Variants in SFXN4 observed in about 807,000 individuals in gnomAD.
SFXN4 encodes sideroflexin-4.
Under a neutral mutation model 54.6 loss-of-function variants are expected in SFXN4, and 48 were observed. That is an observed-to-expected ratio of 0.88 (90% CI 0.70 to 1.12). SFXN4 has a LOEUF of 1.12. SFXN4 is among the 50% of genes most tolerant of loss of function. SFXN4 has a pLI of 0.00. For missense variants in SFXN4, 383 were observed against 409.2 expected (o/e 0.94, Z 0.55); for synonymous variants, 130 against 145.5 (o/e 0.89, Z 0.77).
At position 119,158,020 on chromosome 10, in the gene SFXN4, T is replaced by C. The variant is rs1207185850; in HGVS notation, c.403A>G (p.Ile135Val). ...MTPLKGIKSVILPQVFLCAYM... is the reference protein window; with the variant it reads ...MTPLKGIKSVVLPQVFLCAYM... Reference sequence around the variant, plus strand: ...GGAAGAATGGCTACCTGAGGTAAAATCACGGACTTGATCCCTTTCAGTGGC... The same window carrying C: ...GGAAGAATGGCTACCTGAGGTAAAACCACGGACTTGATCCCTTTCAGTGGC... The change falls in exon 7 of 14, where the codon ATT (isoleucine) becomes GTT (valine). Residue 135 changes from isoleucine (I) to valine (V), a missense_variant. Transcript: ENST00000355697. 1 of 1,614,048 alleles carries C rather than the reference T, an allele frequency of 6.2e-7. No homozygotes were observed. Among genetic ancestry groups the C allele is most frequent in the African/African-American group, 1.3e-5 (1 of 74,940 alleles).
At chr10:119,163,593 C>G (rs7088103) in intron 2 of SFXN4, among the ~76,000 whole-genome samples, 56,282 of 151,184 alleles carry the variant, frequency 0.37, 10,761 homozygotes, top group South Asian at 0.41. Flanking sequence ...GTAGAGACGT[C>G]GGTTTCACCA....
At chr10:119,165,010 T>C (rs922010339) in intron 1 of SFXN4, among the ~76,000 whole-genome samples, 10 of 77,530 alleles carry the variant, frequency 1.3e-4, no homozygotes, top group Non-Finnish European at 2.3e-4. Context: ...TACTGTATTG[T>C]TAAAAATTTC....
chr10:119,147,121 A>C (rs1846849702), intron 12 of SFXN4, among the ~76,000 whole-genome samples: 1 of 152,156 alleles, frequency 6.6e-6, no homozygotes, highest in African/African-American at 2.4e-5. Flanking sequence ...CAATATGAAG[A>C]AGCCAATCTG....
At position 119,141,274 on chromosome 10, in the gene SFXN4, C is replaced by G; in HGVS notation, c.982G>C (p.Glu328Gln). ...CCTCTGTGATAAAAGATTTCTGTTT[C>G]TTCTGTTGGAGACTGAATTTTCTCT... Reference protein sequence around the residue: ...LEEKIQSPTEETEIFYHRGV With the variant: ...LEEKIQSPTEQTEIFYHRGV The change falls in exon 14 of 14, where the codon GAA becomes CAA. Residue 328 changes from glutamate to glutamine, a missense_variant. Coordinates refer to ENST00000355697, the MANE Select transcript of SFXN4 (RefSeq NM_213649.2). 6.2e-7 allele frequency: 1 copy of G among 1,612,244 alleles called. No individual in the cohort carries two copies. Among genetic ancestry groups the G allele is most frequent in the East Asian group, 2.2e-5 (1 of 44,870 alleles).
chr10:119,161,424 C>A (rs1382212332), intron 3 of SFXN4, among the ~76,000 whole-genome samples: 221 of 50,074 alleles, frequency 4.4e-3, no homozygotes, highest in African/African-American at 7.2e-3. Flanking sequence ...ACAACAACAA[C>A]AACAAAAAAA....
intron 12 of SFXN4, among the ~76,000 whole-genome samples, 183 bp from the exon 13 acceptor site, chr10:119,146,536 C>G (rs1246893836): frequency 6.6e-6 from 1 of 151,546 alleles, no homozygotes; most frequent in African/African-American, 2.4e-5. Flanking sequence ...ACAGCTAGAT[C>G]AAGGCCTGTT....
At chr10:119,157,432 A>G (rs112670725) in intron 9 of SFXN4, among the ~76,000 whole-genome samples, 1 of 14,928 alleles carries the variant, frequency 6.7e-5, no homozygotes, top group Non-Finnish European at 1.1e-4. Context: ...CTGTGTCTCA[A>G]AAAAAAAAAA....
At chr10:119,142,726 A>ATTTTTTTTTTT (rs573311460) in intron 13 of SFXN4, among the ~76,000 whole-genome samples, 1 of 77,468 alleles carries the variant, frequency 1.3e-5, no homozygotes, top group East Asian at 4.0e-4. Flanking sequence ...AATGTTTTGA[A>ATTTTTTTTTTT]TTTTTTTTTT....
chr10:119,151,315 G>A (rs1300545885), intron 11 of SFXN4, among the ~76,000 whole-genome samples: 1 of 149,924 alleles, frequency 6.7e-6, no homozygotes, highest in Admixed American at 6.7e-5. Context: ...GTTGCAGTGA[G>A]CCAAGATCGC....
chr10:119,160,303 C>T (rs1326511090), intron 5 of SFXN4, among the ~76,000 whole-genome samples: 2 of 151,958 alleles, frequency 1.3e-5, no homozygotes, highest in Non-Finnish European at 2.9e-5. Flanking sequence ...GTCAGGAGTT[C>T]GAGACCAGCC....
chr10:119,162,243 G>A lies in SFXN4; in HGVS notation c.252+97C>T, dbSNP rs544747390. On this transcript the variant is annotated intron_variant, in intron 3 of 13. Coordinates refer to ENST00000355697, the MANE Select transcript of SFXN4 (RefSeq NM_213649.2). ...GAAGGAAAAAAGAAAGAAAAGAGAC[G>A]GAGACAGAGATTAATGGCCAAATTC... 5.3e-5 allele frequency: 48 copies of A among 905,632 alleles called. 1 individual carries two copies. The highest frequency in any genetic ancestry group is 4.9e-4 in the South Asian group (33 of 67,564). The allele number at this position is 905,632 out of a possible 1,614,324, so 56.1% of individuals were successfully genotyped here. A position where few individuals can be genotyped will look rare whatever the true frequency, so the allele number is the denominator to read the frequency against.
At chr10:119,160,367 T>A (rs918150640) in intron 5 of SFXN4, among the ~76,000 whole-genome samples, 1 of 150,516 alleles carries the variant, frequency 6.6e-6, no homozygotes, top group Non-Finnish European at 1.5e-5. Flanking sequence ...GGAAAAAAAT[T>A]AGCTGGGCAT....
At chr10:119,160,661 C>T (rs1472835274) in intron 5 of SFXN4, among the ~76,000 whole-genome samples, 1 of 145,790 alleles carries the variant, frequency 6.9e-6, no homozygotes, top group East Asian at 2.1e-4. Context: ...ATGATCTCAG[C>T]TCACTGCAAC....
intron 5 of SFXN4, among the ~76,000 whole-genome samples, chr10:119,160,141 T>C (rs1442936912): frequency 6.6e-6 from 1 of 152,036 alleles, no homozygotes; most frequent in Non-Finnish European, 1.5e-5. Context: ...ATGGTGCTAC[T>C]GTACTCCAGC....
At position 119,146,220 on chromosome 10, in the gene SFXN4, G is replaced by A. The variant is rs1846787854; in HGVS notation, c.936+16C>T. On this transcript the variant is annotated intron_variant, in intron 13 of 13. Coordinates refer to ENST00000355697, the MANE Select transcript of SFXN4 (RefSeq NM_213649.2). ...AATAAAAAACTTTGAGAGAAAAGAG[G>A]AATGGGGGCACTTACCTGTCCAATC... 1 of 1,362,496 alleles carries A rather than the reference G, an allele frequency of 7.3e-7. No homozygotes were observed. Among genetic ancestry groups the A allele is most frequent in the Non-Finnish European group, 1.0e-6 (1 of 963,488 alleles). The allele number at this position is 1,362,496 out of a possible 1,614,324, so 84.4% of individuals were successfully genotyped here. A position where few individuals can be genotyped will look rare whatever the true frequency, so the allele number is the denominator to read the frequency against.
At chr10:119,145,693 CTT>C (rs1846763208) in intron 13 of SFXN4, among the ~76,000 whole-genome samples, 1 of 152,026 alleles carries the variant, frequency 6.6e-6, no homozygotes, top group Non-Finnish European at 1.5e-5. Context: ...TGTTACTTGA[CTT>C]TTTATGGTAT....
intron 1 of SFXN4, 194 bp downstream of exon 1, chr10:119,165,343 G>A: frequency 7.7e-7 from 1 of 1,297,374 alleles, no homozygotes; most frequent in Non-Finnish European, 9.8e-7. Context: ...TGGCAGCTTC[G>A]ATTTCCCCTG....
At chr10:119,155,816 C>T (rs1292221641) in intron 10 of SFXN4, among the ~76,000 whole-genome samples, 1 of 152,078 alleles carries the variant, frequency 6.6e-6, no homozygotes, top group Non-Finnish European at 1.5e-5. Context: ...TTCTATAACA[C>T]CATTTCCTCA....
chr10:119,156,371 G>A (rs1847279619), intron 10 of SFXN4, among the ~76,000 whole-genome samples: 1 of 152,238 alleles, frequency 6.6e-6, no homozygotes, highest in Non-Finnish European at 1.5e-5. Flanking sequence ...GAGGGTTGCA[G>A]TGAGCCGAGC....
Sources: gnomAD v4.1 joint callset for allele counts (sites outside exome capture counted in the v4.1 genomes callset) on GRCh38, gnomAD v4.1.1 for gene constraint, MANE v1.5 for transcripts, NCBI Gene and HGNC (gene_info 2026-07-23, HGNC 2026-07-21) for gene names.